DNMT1: variants seen among roughly 807,000 people sequenced by gnomAD.
DNMT1 encodes the protein DNA (cytosine-5)-methyltransferase 1.
A neutral mutation model predicts 205.3 loss-of-function variants in DNMT1; 24 were observed. The observed-to-expected ratio is 0.12, with a 90% CI of 0.08 to 0.16. DNMT1 has a LOEUF of 0.16. DNMT1 is among the 10% of genes least tolerant of loss of function. The probability of loss-of-function intolerance (pLI) is 1.00; values close to 1 mark genes in which losing one functional copy is unlikely to be tolerated. For missense variants in DNMT1, 1,293 were observed against 2,177.7 expected, an observed-to-expected ratio of 0.59 and a Z score of 8.09; for synonymous variants, 817 against 839.8, an observed-to-expected ratio of 0.97 and a Z score of 0.47.
intron 27 of DNMT1, 100 bp downstream of exon 27, chr19:10,148,784 G>C (rs1007856193): frequency 6.3e-7 from 1 of 1,599,766 alleles, no homozygotes; most frequent in Non-Finnish European, 8.5e-7. Flanking sequence ...CACAAACTGG[G>C]GGGCCGTTGG....
At chr19:10,175,098 C>T (rs1599389673) in intron 7 of DNMT1, among the ~76,000 whole-genome samples, 2 of 124,078 alleles carry the variant, frequency 1.6e-5, no homozygotes, top group South Asian at 3.0e-4. Context: ...CACACACACA[C>T]ACACACACAC....
chr19:10,180,361 C>T lies in DNMT1; in HGVS notation c.434G>A (p.Gly145Glu). 6.2e-7 allele frequency: 1 copy of T among 1,612,784 alleles called. No individual in the cohort carries two copies. The highest frequency in any genetic ancestry group is 1.3e-5 in the African/African-American group (1 of 75,018). ...PRTPRRSKSD[G>E]EAKRSRDPPA... ...TCATCTGCTCTTACGCTTAGCCTCT[C>T]CATCGGACTTGCTCCTCCTGGGCGT... The change falls in exon 4 of 41, where the codon GGA becomes GAA. Residue 145 changes from glycine (G) to glutamate (E), a missense_variant. By Grantham distance (98) the Gly-to-Glu change is moderately conservative. This residue lies in a region of DNMT1 where 394 missense variants were observed against 451.6 expected (regional missense o/e 0.87). Coordinates refer to ENST00000359526, the MANE Select transcript of DNMT1 (RefSeq NM_001130823.3).
intron 5 of DNMT1, among the ~76,000 whole-genome samples, 162 bp from the exon 6 acceptor site, chr19:10,177,529 A>C: frequency 6.6e-6 from 1 of 152,250 alleles, no homozygotes. Context: ...CCAGCTTGCT[A>C]ATGTTGGCAG....
chr19:10,189,853 AC>A (rs1165937693), intron 1 of DNMT1, among the ~76,000 whole-genome samples: 1 of 152,142 alleles, frequency 6.6e-6, no homozygotes, highest in Non-Finnish European at 1.5e-5. Context: ...CCACGTAATA[AC>A]CAGTGATGAA....
intron 11 of DNMT1, among the ~76,000 whole-genome samples, chr19:10,165,986 C>A (rs1037378958): frequency 2.6e-5 from 4 of 152,118 alleles, no homozygotes; most frequent in African/African-American, 9.7e-5. Context: ...TTGTAACAGG[C>A]AGAAACCCAG....
In DNMT1 at chr19:10,139,885, C is replaced by T. The variant is rs186169527; in HGVS notation, c.3807-68G>A. On this transcript the variant is annotated intron_variant, in intron 33 of 40. Transcript: ENST00000359526. ...AGAGGGAAGAAACGACCCACTGTGC[C>T]GGAAGCCCCTCACGAATGTTATCAA... 27 of 1,558,488 alleles carry T rather than the reference C, an allele frequency of 1.7e-5. No homozygotes were observed. In the African/African-American group the frequency reaches 2.4e-4, roughly 14 times the overall value.
At chr19:10,175,952 G>C (rs753335876) in intron 6 of DNMT1, among the ~76,000 whole-genome samples, 2 of 152,138 alleles carry the variant, frequency 1.3e-5, no homozygotes, top group African/African-American at 2.4e-5. Context: ...AGGATCACCT[G>C]AGTTCAGGAG....
chr19:10,150,796 A>C (rs1413274395), intron 24 of DNMT1, among the ~76,000 whole-genome samples: 1 of 152,172 alleles, frequency 6.6e-6, no homozygotes, highest in Admixed American at 6.5e-5. Context: ...GCTCTCTTGG[A>C]AACAAGCTAT....
Position 10,154,786 on chromosome 19 carries a change from C to G in DNMT1, c.1645-13G>C. 3 of 1,614,220 alleles carry G rather than the reference C, an allele frequency of 1.9e-6. No homozygotes were observed. Among genetic ancestry groups the G allele is most frequent in the Non-Finnish European group, 2.5e-6 (3 of 1,180,056 alleles). ...GAGGAACCGTGGTCTTGAAAGAGAA[C>G]AGGTTTCTCTCATGCTTAAGCCAAA... On this transcript the variant is annotated splice_polypyrimidine_tract_variant and intron_variant, in intron 20 of 40. Coordinates refer to ENST00000359526, the MANE Select transcript of DNMT1 (RefSeq NM_001130823.3). The surrounding 1 kb of genome is among the most constrained non-coding windows in gnomAD (Gnocchi z 6.3).
Position 10,141,154 on chromosome 19 carries a change from A to G in DNMT1, c.3345T>C (p.Pro1115=). 1 of 1,613,992 alleles carries G rather than the reference A, an allele frequency of 6.2e-7. No homozygotes were observed. Among genetic ancestry groups the G allele is most frequent in the South Asian group, 1.1e-5 (1 of 91,082 alleles). ...TTCCAGGGCTACGGGCATGGTTGGGAGGATCTTCAAAGCTTTTGCTCTTTG... is the reference window on the plus strand; with the variant it reads ...TTCCAGGGCTACGGGCATGGTTGGGGGGATCTTCAAAGCTTTTGCTCTTTG... ...YNAKSKSFED[P]PNHARSPGNK... is the part of the protein sequence containing the mutation. The change falls in exon 31 of 41, where the codon CCT becomes CCC. Residue 1115 remains proline, a synonymous_variant. Transcript: ENST00000359526.
At chr19:10,144,985 C>T (rs1346260081) in intron 28 of DNMT1, among the ~76,000 whole-genome samples, 3 of 152,194 alleles carry the variant, frequency 2.0e-5, no homozygotes, top group African/African-American at 7.2e-5. Context: ...AGGCATGAGC[C>T]ACCGCACCCA....
chr19:10,143,723 G>C (rs374729893), intron 29 of DNMT1, 43 bp downstream of exon 29: 1 of 1,607,162 alleles, frequency 6.2e-7, no homozygotes, highest in South Asian at 1.1e-5. Context: ...GAGCCTTCTA[G>C]AAGAGTCTGT....
rs1316802867 is a variant in DNMT1, at chr19:10,159,904, T to G, written c.1108A>C (p.Ile370Leu). 8.7e-6 allele frequency: 14 copies of G among 1,614,078 alleles called. No individual in the cohort carries two copies. The highest frequency in any genetic ancestry group is 1.0e-5 in the Non-Finnish European group (12 of 1,180,036). ...TCGTCCAGGTACTGCCCGCACTGAA[T>G]GCACTTGGGAGGGTGGGTCTGTGGG... is the stretch of plus-strand genomic sequence containing the variant. ...MNSKTHPPKC[I>L]QCGQYLDDPD... The change falls in exon 16 of 41, where the codon ATT becomes CTT. Residue 370 changes from isoleucine to leucine, a missense_variant. Physicochemically the swap from Ile to Leu is conservative, Grantham distance 5. Transcript: ENST00000359526. This position sits in a 1 kb window ranked among gnomAD's most constrained non-coding sequence, Gnocchi z 5.0.
rs751712217 is a variant in DNMT1 at position 10,154,771 on chromosome 19, G to A, written c.1647C>T (p.Thr549=). 4.1e-5 allele frequency: 66 copies of A among 1,614,108 alleles called. No individual in the cohort carries two copies. In the Admixed American group the frequency reaches 5.8e-4, roughly 14 times the overall value. ...TYEDLINKIE[T]TVPPSGLNLN... ...AGTTGAGGCCAGAAGGAGGAACCGT[G>A]GTCTTGAAAGAGAACAGGTTTCTCT... Residue 549 remains threonine, a splice_region_variant and synonymous_variant, in exon 21 of 41, where the codon ACC becomes ACT. Coordinates refer to ENST00000359526, the MANE Select transcript of DNMT1 (RefSeq NM_001130823.3). This position sits in a 1 kb window ranked among gnomAD's most constrained non-coding sequence, Gnocchi z 6.3.
intron 1 of DNMT1, among the ~76,000 whole-genome samples, chr19:10,186,028 T>G (rs1371156801): frequency 2.0e-5 from 3 of 151,964 alleles, no homozygotes; most frequent in African/African-American, 7.3e-5. Flanking sequence ...GCGTTACACT[T>G]GACTTCTCAG....
chr19:10,164,987 T>C (rs2145336190), intron 11 of DNMT1, among the ~76,000 whole-genome samples: 1 of 132,728 alleles, frequency 7.5e-6, no homozygotes, highest in African/African-American at 2.8e-5. Context: ...AATGCAACGG[T>C]TCATGCCTGT....
At chr19:10,149,112 T>C in intron 26 of DNMT1, 95 bp from the exon 27 acceptor site, 1 of 1,539,458 alleles carries the variant, frequency 6.5e-7, no homozygotes, top group Non-Finnish European at 8.8e-7. Flanking sequence ...TCACCTAAGG[T>C]CAGGAGTTCG....
At chr19:10,167,354 C>T (rs2038719339) in intron 10 of DNMT1, among the ~76,000 whole-genome samples, 1 of 152,042 alleles carries the variant, frequency 6.6e-6, no homozygotes, top group African/African-American at 2.4e-5. Context: ...CACCACCACA[C>T]CCAGCTAATT....
In DNMT1 at chr19:10,180,646, T is replaced by TTCATCATCA. The variant is rs3217302; in HGVS notation, c.226-86_226-78dup. 3.9e-3 allele frequency: 5,693 copies of TTCATCATCA among 1,467,410 alleles called. 91 individuals carry two copies. Among genetic ancestry groups the TTCATCATCA allele is most frequent in the East Asian group, 0.032 (1,410 of 43,906 alleles). 90.9% of individuals were successfully genotyped at this position (1,467,410 alleles called of 1,614,324 possible). ...AGAACAAGGAAACACATGTGTTTCC[T>TTCATCATCA]TCATCATCATCATCATCATCATCAT... On this transcript the variant is annotated intron_variant, in intron 3 of 40. Transcript: ENST00000359526.
Sources: allele counts gnomAD v4.1 joint callset (sites outside exome capture counted in the v4.1 genomes callset), GRCh38; gene constraint gnomAD v4.1.1; regional missense constraint gnomAD v4.1.1; non-coding constraint Gnocchi (gnomAD v3.1); transcripts MANE v1.5; gene names NCBI Gene and HGNC (gene_info 2026-07-23, HGNC 2026-07-21).